Variants in SGK1 observed in about 807,000 individuals in gnomAD.
SGK1 encodes the protein serine/threonine-protein kinase Sgk1.
SGK1 carries 26 observed loss-of-function variants against 64.2 expected under a neutral mutation model. That is an observed-to-expected ratio of 0.40 (90% CI 0.30 to 0.56). The LOEUF (loss-of-function observed/expected upper bound fraction) is 0.56, where lower values mean the gene tolerates loss of function less well. SGK1 is among the 20% of genes least tolerant of loss of function. The pLI is 0.38. For missense variants in SGK1, 519 were observed against 645.6 expected, an observed-to-expected ratio of 0.80 and a Z score of 2.12; for synonymous variants, 265 against 239.7, an observed-to-expected ratio of 1.11 and a Z score of -0.98.
intron 2 of SGK1, chr6:134,215,038 G>A (rs1262837022): frequency 4.4e-6 from 2 of 455,292 alleles, no homozygotes; most frequent in Admixed American, 2.4e-5. Context: ...AGATGGGGGT[G>A]TATGAGAATA....
At chr6:134,274,279 T>C (rs577441779) in intron 1 of SGK1, among the ~76,000 whole-genome samples, 1 of 152,214 alleles carries the variant, frequency 6.6e-6, no homozygotes, top group African/African-American at 2.4e-5. Flanking sequence ...CCTAGGATTA[T>C]AGGCGTGAGC....
intron 2 of SGK1, among the ~76,000 whole-genome samples, chr6:134,213,197 G>A (rs1382216565): frequency 6.6e-6 from 1 of 152,020 alleles, no homozygotes; most frequent in African/African-American, 2.4e-5. Flanking sequence ...ATAGCTTTAG[G>A]TACTTTGCAG....
In SGK1 at chr6:134,174,523, T is replaced by A. The variant is rs770469903; in HGVS notation, c.425A>T (p.Tyr142Phe). 1 of 1,612,472 alleles carries A rather than the reference T, an allele frequency of 6.2e-7. No individual in the cohort carries two copies. Among genetic ancestry groups the A allele is most frequent in the South Asian group, 1.1e-5 (1 of 91,060 alleles). Residue 142 changes from tyrosine (Y) to phenylalanine (F), a missense_variant, in exon 4 of 14, where the codon TAT becomes TTT. Physicochemically the swap from Tyr to Phe is conservative, Grantham distance 22 (BLOSUM62 3). This residue lies in a region of SGK1 where 241 missense variants were observed against 236.9 expected (regional missense o/e 1.02). Coordinates refer to ENST00000367858, the MANE Select transcript of SGK1 (RefSeq NM_001143676.3). ...DFIQKIANNS[Y>F]ACKHPEVQSI... ...CGGTCAAACTTACTGTTTGCATGCA[T>A]AGGAGTTATTGGCAATCTTCTGAAT...
intron 1 of SGK1, among the ~76,000 whole-genome samples, chr6:134,281,118 C>T (rs1327672365): frequency 6.6e-6 from 1 of 152,154 alleles, no homozygotes; most frequent in South Asian, 2.1e-4. Flanking sequence ...ATTTCACACC[C>T]TCATCTGCTC....
At chr6:134,174,354 A>C in intron 4 of SGK1, 157 bp downstream of exon 4, 1 of 629,304 alleles carries the variant, frequency 1.6e-6, no homozygotes, top group Non-Finnish European at 2.8e-6. Flanking sequence ...ATTAACTTTA[A>C]TGTTTAAAAT....
At chr6:134,257,022 A>T (rs1776694772) in intron 2 of SGK1, 1 of 152,280 alleles carries the variant, frequency 6.6e-6, no homozygotes. Flanking sequence ...CAACAAAGCA[A>T]CCCACAGCCC....
intron 1 of SGK1, among the ~76,000 whole-genome samples, chr6:134,265,493 T>A (rs530433396): frequency 5.7e-4 from 84 of 147,632 alleles, no homozygotes; most frequent in South Asian, 3.2e-3. Flanking sequence ...ACAAAAAAAA[T>A]ATATATATAC....
chr6:134,216,844 C>T (rs1349643752), intron 2 of SGK1, among the ~76,000 whole-genome samples: 1 of 152,156 alleles, frequency 6.6e-6, no homozygotes, highest in Middle Eastern at 3.4e-3. Flanking sequence ...GGTGAGGAGG[C>T]GGTAGAAGGG....
At chr6:134,306,911 AG>A (rs200092699) in intron 1 of SGK1, among the ~76,000 whole-genome samples, 4,075 of 106,816 alleles carry the variant, frequency 0.038, 193 homozygotes, top group African/African-American at 0.086. Flanking sequence ...AAGAAATAAA[AG>A]GGGGGGGGGG....
chr6:134,201,028 C>T (rs1582706160), intron 3 of SGK1, among the ~76,000 whole-genome samples: 1 of 151,758 alleles, frequency 6.6e-6, no homozygotes, highest in East Asian at 1.9e-4. Flanking sequence ...ATGACAAAAA[C>T]ATTGTCATTT....
intron 1 of SGK1, among the ~76,000 whole-genome samples, chr6:134,272,802 T>G (rs1776961619): frequency 6.7e-6 from 1 of 148,258 alleles, no homozygotes; most frequent in African/African-American, 2.4e-5. Context: ...ATAACAAAAG[T>G]CTCATTTCAT....
intron 1 of SGK1, among the ~76,000 whole-genome samples, chr6:134,293,991 G>C (rs144383538): frequency 6.6e-6 from 1 of 152,102 alleles, no homozygotes; most frequent in African/African-American, 2.4e-5. Flanking sequence ...ATGAGAAAAG[G>C]TTCACTTTTG....
At chr6:134,305,773 A>C (rs941712941) in intron 1 of SGK1, among the ~76,000 whole-genome samples, 1 of 152,002 alleles carries the variant, frequency 6.6e-6, no homozygotes, top group Non-Finnish European at 1.5e-5. Flanking sequence ...CAGCCTCCCA[A>C]AGTGCTGGAA....
intron 4 of SGK1, 46 bp from the exon 5 acceptor site, chr6:134,174,126 G>A (rs759080890): frequency 7.2e-7 from 1 of 1,391,766 alleles, no homozygotes; most frequent in East Asian, 2.3e-5. Flanking sequence ...TCGCCACTAG[G>A]GGGCACACCA....
chr6:134,267,249 T>A (rs1047581478), intron 1 of SGK1, among the ~76,000 whole-genome samples: 1 of 152,068 alleles, frequency 6.6e-6, no homozygotes, highest in African/African-American at 2.4e-5. Context: ...TTTTCTTTTT[T>A]TTAATATGTT....
chr6:134,262,916 T>A (rs1013199215), intron 1 of SGK1, among the ~76,000 whole-genome samples: 3 of 151,670 alleles, frequency 2.0e-5, no homozygotes, highest in Non-Finnish European at 4.4e-5. Flanking sequence ...AAGAAAAAGA[T>A]CCTTTTGCCT....
chr6:134,289,887 G>T (rs1357000569), intron 1 of SGK1, among the ~76,000 whole-genome samples: 1 of 152,118 alleles, frequency 6.6e-6, no homozygotes, highest in Admixed American at 6.6e-5. Flanking sequence ...AGTGGTTCAT[G>T]CTTGTAATCC....
intron 1 of SGK1, among the ~76,000 whole-genome samples, chr6:134,282,477 C>A (rs113437217): frequency 0.1 from 15,765 of 151,822 alleles, 1,009 homozygotes; most frequent in African/African-American, 0.18. Flanking sequence ...CATGGTGAAA[C>A]CCCCTCTCTG....
At chr6:134,180,643 C>T (rs979315094) in intron 3 of SGK1, among the ~76,000 whole-genome samples, 2 of 151,996 alleles carry the variant, frequency 1.3e-5, no homozygotes, top group African/African-American at 4.8e-5. Context: ...GAGGTTGAAG[C>T]AGGAGGATCA....
Sources: allele counts gnomAD v4.1 joint callset (sites outside exome capture counted in the v4.1 genomes callset), GRCh38; gene constraint gnomAD v4.1.1; regional missense constraint gnomAD v4.1.1; transcripts MANE v1.5; gene names NCBI Gene and HGNC (gene_info 2026-07-23, HGNC 2026-07-21).